The following DNAH5 variants were observed in gnomAD, a reference collection of about 807,000 sequenced individuals.
DNAH5 encodes dynein axonemal heavy chain 5, also known as axonemal beta dynein heavy chain 5.
In DNAH5, 372 loss-of-function variants were observed where a neutral mutation model predicts 518.2. The observed-to-expected ratio is 0.72, with a 90% confidence interval of 0.66 to 0.78. DNAH5 has a LOEUF of 0.78. Ranked by LOEUF, DNAH5 falls within the 30% of genes least tolerant of loss-of-function variation. The pLI is 0.00. For synonymous variants in DNAH5, 2,039 were observed against 2,025.9 expected (o/e 1.01, Z -0.17); for missense variants, 5,523 against 5,687.0 (o/e 0.97, Z 0.93).
intron 42 of DNAH5, among the ~76,000 whole-genome samples, chr5:13,817,136 A>G (rs2151805930): frequency 6.6e-6 from 1 of 152,306 alleles, no homozygotes; most frequent in South Asian, 2.1e-4. Flanking sequence ...TTCTCTCCCA[A>G]ACAACCCATT....
Position 13,691,912 on chromosome 5 carries a change from T to C in DNAH5, c.*72A>G. 6.3e-7 allele frequency: 1 copy of C among 1,593,614 alleles called. No individual in the cohort carries two copies. The highest frequency in any genetic ancestry group is 8.6e-7 in the Non-Finnish European group (1 of 1,162,146). On this transcript the variant is annotated 3_prime_UTR_variant, in exon 79 of 79. Coordinates refer to ENST00000265104, the MANE Select transcript of DNAH5 (RefSeq NM_001369.3). The stretch of plus-strand genomic sequence containing the variant: ...CCTAACATACACTGTCCAGCAGTCA[T>C]ACAGAAATAAAGGTTACAATAATTT...
chr5:13,910,018 G>A (rs1194487757), intron 12 of DNAH5, among the ~76,000 whole-genome samples: 1 of 152,144 alleles, frequency 6.6e-6, no homozygotes, highest in Non-Finnish European at 1.5e-5. Context: ...ACACTGCTGA[G>A]GAAACACAGG....
intron 1 of DNAH5, among the ~76,000 whole-genome samples, chr5:13,995,289 G>C (rs886456572): frequency 6.6e-6 from 1 of 152,234 alleles, no homozygotes; most frequent in Middle Eastern, 3.4e-3. Context: ...ATGCCCTGAT[G>C]TCCAAACCCC....
In DNAH5 at chr5:13,864,528, TA is replaced by T. The variant is rs1464198654; in HGVS notation, c.4464del (p.Ser1488ArgfsTer4). ...TCCCAGTGCCGCTCCATCATGGCTTTACTGGCCATGTATTCCAGCAGCGGGC... is the reference window on the plus strand; with the variant it reads ...TCCCAGTGCCGCTCCATCATGGCTTTCTGGCCATGTATTCCAGCAGCGGGC... ...ECCPLLEYMA[S>X]KAMMERHWER... On this transcript the variant is annotated frameshift_variant, in exon 28 of 79. Transcript: ENST00000265104. LOFTEE classifies it high-confidence loss of function. 1 of 1,614,052 alleles carries T rather than the reference TA, an allele frequency of 6.2e-7. No homozygotes were observed. Among genetic ancestry groups the T allele is most frequent in the African/African-American group, 1.3e-5 (1 of 74,936 alleles).
rs757732547 is a variant in DNAH5 at position 13,900,340 on chromosome 5, T to C, written c.2125A>G (p.Asn709Asp). ...KAPGTGELFV[N>D]FDPQILILFR... ...AAGATTAATATCTGAGGGTCAAAGT[T>C]TACAAACAATTCCCCTGTGCCTGGA... is the stretch of plus-strand genomic sequence containing the variant. The change falls in exon 15 of 79, where the codon AAC (asparagine) becomes GAC (aspartate). Residue 709 changes from asparagine (N) to aspartate (D), a missense_variant. Coordinates refer to ENST00000265104, the MANE Select transcript of DNAH5 (RefSeq NM_001369.3). The C allele has an allele frequency of 9.3e-6, 15 of 1,613,970 alleles. No individual in the cohort carries two copies. The highest frequency in any genetic ancestry group is 1.2e-5 in the Non-Finnish European group (14 of 1,180,004).
chr5:13,723,872 C>A (rs1390639336), intron 70 of DNAH5, among the ~76,000 whole-genome samples: 1 of 152,174 alleles, frequency 6.6e-6, no homozygotes, highest in Non-Finnish European at 1.5e-5. Flanking sequence ...AAGGCTGCTT[C>A]ACTTATATCT....
intron 1 of DNAH5, among the ~76,000 whole-genome samples, chr5:13,998,738 T>C (rs1277655082): frequency 2.6e-5 from 4 of 152,188 alleles, no homozygotes; most frequent in Admixed American, 2.6e-4. Flanking sequence ...TGACAAAAAA[T>C]AGTCCAAAAA....
chr5:13,993,819 C>T (rs905333173), intron 1 of DNAH5, among the ~76,000 whole-genome samples: 3 of 152,194 alleles, frequency 2.0e-5, no homozygotes, highest in Non-Finnish European at 4.4e-5. Flanking sequence ...GACCCAAACA[C>T]ACAGTCCCCA....
Position 13,747,045 on chromosome 5 carries a change from C to G in DNAH5, c.11211+4033G>C, listed in dbSNP as rs548796967. Among the ~76,000 whole-genome samples the G allele has an allele frequency of 1.0e-3, 154 of 152,166 alleles. 1 individual carries two copies. Among genetic ancestry groups the G allele is most frequent in the African/African-American group, 3.5e-3 (144 of 41,498 alleles). On this transcript the variant is annotated intron_variant, in intron 65 of 78. Transcript: ENST00000265104. ...TAATGCTATCCCTCCCCTCTCCCCC[C>G]ACCCCACAACAGGCCCCAGTGTGTG...
chr5:13,838,993 A>AG (rs1764796615), intron 35 of DNAH5, among the ~76,000 whole-genome samples: 1 of 151,822 alleles, frequency 6.6e-6, no homozygotes, highest in Non-Finnish European at 1.5e-5. Context: ...TAAAAAAAAA[A>AG]AAAAGAAAAT....
At chr5:13,730,944 C>T (rs981265662) in intron 68 of DNAH5, among the ~76,000 whole-genome samples, 20 of 152,090 alleles carry the variant, frequency 1.3e-4, no homozygotes, top group African/African-American at 4.6e-4. Flanking sequence ...AGGTGATTTG[C>T]CCGCCTCAGC....
rs549116271 is a variant in DNAH5 at position 13,737,460 on chromosome 5, A to G, written c.11247T>C (p.Asp3749=). ...TCATCCTTCTTTTGTTTGCAGTTAC[A>G]TCTTCCATCAGATGAGTTCTTTCTT... is the stretch of plus-strand genomic sequence containing the variant. ...LEKERTHLME[D]VTANKRRMKE... The change falls in exon 66 of 79, where the codon GAT becomes GAC. Residue 3749 remains aspartate (D), a synonymous_variant. Transcript: ENST00000265104. 1.2e-6 allele frequency: 2 copies of G among 1,614,086 alleles called. No homozygotes were observed. The highest frequency in any genetic ancestry group is 1.7e-5 in the Admixed American group (1 of 60,002).
chr5:13,897,273 T>C (rs374022730), intron 15 of DNAH5, among the ~76,000 whole-genome samples: 1 of 152,252 alleles, frequency 6.6e-6, no homozygotes, highest in African/African-American at 2.4e-5. Context: ...ACATATTTCC[T>C]GAAACTTGTA....
Position 13,762,752 on chromosome 5 carries a change from A to T in DNAH5, c.10251T>A (p.Phe3417Leu), listed in dbSNP as rs1392804506. The T allele has an allele frequency of 6.2e-7, 1 of 1,614,102 alleles. No homozygotes were observed. Among genetic ancestry groups the T allele is most frequent in the Non-Finnish European group, 8.5e-7 (1 of 1,179,996 alleles). The part of the protein sequence containing the change: ...CSWTKAMASF[F>L]SINKEVLPLK... ...GAGGCAGTACTTCTTTGTTTATAGA[A>T]AAGAAGGAAGCCATAGCTTTCGTCC... is the stretch of plus-strand genomic sequence containing the variant. The change falls in exon 60 of 79, where the codon TTT becomes TTA. Residue 3417 changes from phenylalanine (F) to leucine (L), a missense_variant. Phe to Leu is a conservative substitution (Grantham distance 22). Around this residue, in one of 3 missense-constraint regions of DNAH5, gnomAD observed 5,121 missense variants for 5,223.3 expected, o/e 0.98. Transcript: ENST00000265104.
chr5:13,990,371 T>C (rs2582698), intron 1 of DNAH5, among the ~76,000 whole-genome samples: 1 of 149,642 alleles, frequency 6.7e-6, no homozygotes, highest in Admixed American at 6.6e-5. Flanking sequence ...GCTAACATGG[T>C]GAAACCCTGT....
chr5:13,788,812 C>T lies in DNAH5; in HGVS notation c.8551G>A (p.Val2851Ile), dbSNP rs1412381300. ...TTCTCTTCACCAAACTCCTCCTCTA[C>T]CAAACTTACTAAAGCCTTATCAAAC... Reference protein sequence around the residue: ...TWFDKALVSLVEEEFGEEKKL... With the variant: ...TWFDKALVSLIEEEFGEEKKL... The change falls in exon 51 of 79, where the codon GTA (valine) becomes ATA (isoleucine). Residue 2851 changes from valine (V) to isoleucine (I), a missense_variant. Val to Ile is a conservative substitution (Grantham distance 29, BLOSUM62 3). Around this residue, in one of 3 missense-constraint regions of DNAH5, gnomAD observed 5,121 missense variants for 5,223.3 expected, o/e 0.98. Transcript: ENST00000265104. The T allele has an allele frequency of 2.5e-6, 4 of 1,614,046 alleles. No homozygotes were observed. The Admixed American group carries it at 5.0e-5, about 20-fold the overall frequency.
chr5:13,916,274 A>G (rs1580873701), intron 9 of DNAH5, 74 bp downstream of exon 9: 1 of 867,102 alleles, frequency 1.2e-6, no homozygotes, highest in East Asian at 2.6e-5. Flanking sequence ...CCAATGTGGT[A>G]ATTTTTAATT....
At position 13,842,441 on chromosome 5, in the gene DNAH5, A is replaced by AGAGAG. The variant is rs1765349629; in HGVS notation, c.5272-538_5272-537insCTCTC. 6.9e-5 allele frequency among the ~76,000 whole-genome samples: 7 copies of AGAGAG among 102,058 alleles called. 1 individual carries two copies. The highest frequency in any genetic ancestry group is 2.6e-4 in the African/African-American group (6 of 23,194). 67.0% of individuals were successfully genotyped at this position (102,058 alleles called of 152,430 possible). The stretch of plus-strand genomic sequence containing the variant: ...AGAAAAGAAAAGAAAGAAAGAAAGA[A>AGAGAG]AGAAAGAAAGAAAGAAAGAAAGAAA... On this transcript the variant is annotated intron_variant, in intron 32 of 78. Transcript: ENST00000265104.
At chr5:13,760,205 T>C (rs1751589671) in intron 60 of DNAH5, among the ~76,000 whole-genome samples, 2 of 152,274 alleles carry the variant, frequency 1.3e-5, no homozygotes, top group East Asian at 1.9e-4. Context: ...TTCTAGTACT[T>C]TACTCACCAA....
Sources: allele counts gnomAD v4.1 joint callset (sites outside exome capture counted in the v4.1 genomes callset), GRCh38; gene constraint gnomAD v4.1.1; regional missense constraint gnomAD v4.1.1; transcripts MANE v1.5; gene names NCBI Gene and HGNC (gene_info 2026-07-23, HGNC 2026-07-21).